NFIA: variants seen among roughly 807,000 people sequenced by gnomAD.
NFIA encodes nuclear factor 1 A-type.
NFIA carries 8 observed loss-of-function variants against 62.8 expected under a neutral mutation model. The observed-to-expected ratio is 0.13, with a 90% CI of 0.07 to 0.23. NFIA has a LOEUF of 0.23. NFIA is among the 10% of genes least tolerant of loss of function. The pLI, the probability that NFIA is intolerant of heterozygous loss-of-function variation, is 1.00. For synonymous variants in NFIA, 235 were observed against 238.1 expected, an observed-to-expected ratio of 0.99 and a Z score of 0.12; for missense variants, 410 against 642.1, an observed-to-expected ratio of 0.64 and a Z score of 3.91.
In NFIA at chr1:61,185,258, G is replaced by A. The variant is rs192029013; in HGVS notation, c.560-92262G>A. On this transcript the variant is annotated intron_variant, in intron 2 of 10. Coordinates refer to ENST00000403491, the MANE Select transcript of NFIA (RefSeq NM_001134673.4). The stretch of plus-strand genomic sequence containing the variant: ...TATGTATAATGAAGACGTTAAAGAA[G>A]ATAGGTAGTAGTCTTCTGAGCCCTA... Among the ~76,000 whole-genome samples, 467 of 152,244 alleles carry A rather than the reference G, an allele frequency of 3.1e-3. 5 individuals carry two copies. The South Asian group carries it at 0.032, about 11-fold the overall frequency.
intron 10 of NFIA, among the ~76,000 whole-genome samples, chr1:61,428,382 A>AT (rs34309622): frequency 0.054 from 7,334 of 135,922 alleles, 248 homozygotes; most frequent in African/African-American, 0.1. Flanking sequence ...CTGGAACTGA[A>AT]TTTTTTTTTT....
At chr1:61,396,846 T>G (rs548931412) in intron 7 of NFIA, among the ~76,000 whole-genome samples, 6 of 151,680 alleles carry the variant, frequency 4.0e-5, no homozygotes, top group Non-Finnish European at 8.8e-5. Context: ...CTAAAAAAAT[T>G]CAAAAATTAG....
chr1:61,400,870 A>G (rs143923478), intron 7 of NFIA, among the ~76,000 whole-genome samples: 2 of 152,238 alleles, frequency 1.3e-5, no homozygotes, highest in Non-Finnish European at 2.9e-5. Flanking sequence ...TAGGTACAGT[A>G]AAAACATCCA....
intron 2 of NFIA, among the ~76,000 whole-genome samples, chr1:61,135,628 A>G (rs1265065212): frequency 6.6e-6 from 1 of 152,140 alleles, no homozygotes; most frequent in Non-Finnish European, 1.5e-5. Context: ...GCTGGTCTCA[A>G]ACTACTGGGC....
intron 2 of NFIA, among the ~76,000 whole-genome samples, chr1:61,195,482 T>C (rs946524429): frequency 6.6e-5 from 10 of 152,204 alleles, no homozygotes; most frequent in Admixed American, 6.5e-4. Context: ...CTGACCTTTC[T>C]TGTGTACCCT....
intron 2 of NFIA, among the ~76,000 whole-genome samples, chr1:61,154,703 C>G (rs1029568087): frequency 6.6e-6 from 1 of 152,210 alleles, no homozygotes; most frequent in African/African-American, 2.4e-5. Context: ...CCACCTGCCT[C>G]ACCCTCCCCA....
intron 2 of NFIA, among the ~76,000 whole-genome samples, chr1:61,136,527 T>C (rs938933599): frequency 2.6e-5 from 4 of 152,206 alleles, no homozygotes; most frequent in Admixed American, 6.5e-5. Flanking sequence ...TGTGGAGCCT[T>C]TCTAACGCCT....
chr1:61,157,360 T>C (rs1247593065), intron 2 of NFIA, among the ~76,000 whole-genome samples: 2 of 152,034 alleles, frequency 1.3e-5, no homozygotes, highest in East Asian at 3.9e-4. Flanking sequence ...TTTTCAGAGG[T>C]GATGTTTACA....
intron 10 of NFIA, among the ~76,000 whole-genome samples, chr1:61,444,699 C>T (rs1403499873): frequency 6.6e-6 from 1 of 152,134 alleles, no homozygotes; most frequent in Non-Finnish European, 1.5e-5. Flanking sequence ...TAGAATAGCA[C>T]AAATTGGCAT....
chr1:61,254,717 T>G (rs1656266666), intron 2 of NFIA, among the ~76,000 whole-genome samples: 1 of 152,238 alleles, frequency 6.6e-6, no homozygotes, highest in African/African-American at 2.4e-5. Flanking sequence ...AACACCATTT[T>G]ATATTTTGGC....
At chr1:61,094,085 A>C (rs1010936244) in intron 2 of NFIA, among the ~76,000 whole-genome samples, 1 of 152,236 alleles carries the variant, frequency 6.6e-6, no homozygotes, top group Non-Finnish European at 1.5e-5. Flanking sequence ...ATTAGACTAG[A>C]AGAAAAAACA....
chr1:61,137,038 A>G (rs1647207661), intron 2 of NFIA, among the ~76,000 whole-genome samples: 1 of 152,188 alleles, frequency 6.6e-6, no homozygotes, highest in South Asian at 2.1e-4. Context: ...AAACTGTCCT[A>G]TAAATATGTG....
chr1:61,387,983 A>C (rs1001840642), intron 7 of NFIA, among the ~76,000 whole-genome samples: 11 of 152,232 alleles, frequency 7.2e-5, no homozygotes, highest in Admixed American at 2.0e-4. Context: ...TGTTGTTCTA[A>C]CCACTTCCCT....
intron 6 of NFIA, among the ~76,000 whole-genome samples, chr1:61,365,186 CAAAAG>C (rs923496618): frequency 4.6e-5 from 7 of 152,118 alleles, no homozygotes; most frequent in African/African-American, 1.7e-4. Flanking sequence ...GACCCTGTCT[CAAAAG>C]AAAAGAGAAA....
At chr1:61,165,921 T>G (rs1052807822) in intron 2 of NFIA, among the ~76,000 whole-genome samples, 11 of 152,202 alleles carry the variant, frequency 7.2e-5, no homozygotes, top group African/African-American at 2.7e-4. Context: ...TTAGTAATAC[T>G]ACGATAATTA....
chr1:61,235,363 T>C (rs986413689), intron 2 of NFIA, among the ~76,000 whole-genome samples: 28 of 151,854 alleles, frequency 1.8e-4, no homozygotes, highest in African/African-American at 6.8e-4. Flanking sequence ...CTCGGGAGGC[T>C]GAGGCAGGAG....
Position 61,359,204 on chromosome 1 carries a change from A to G in NFIA, c.876A>G (p.Pro292=). The change falls in exon 6 of 11, where the codon CCA becomes CCG. Residue 292 remains proline (P), a synonymous_variant. Coordinates refer to ENST00000403491, the MANE Select transcript of NFIA (RefSeq NM_001134673.4). ...AAATGGACAGTCCTGGTGAGGAGCCATTTTATACAGGCCAAGGGCGCTCCC... is the reference window on the plus strand; with the variant it reads ...AAATGGACAGTCCTGGTGAGGAGCCGTTTTATACAGGCCAAGGGCGCTCCC... ...EDEMDSPGEE[P]FYTGQGRSPG... 1 of 1,613,178 alleles carries G rather than the reference A, an allele frequency of 6.2e-7. No homozygotes were observed. The highest frequency in any genetic ancestry group is 8.5e-7 in the Non-Finnish European group (1 of 1,179,956).
intron 2 of NFIA, among the ~76,000 whole-genome samples, chr1:61,219,845 C>T (rs1034292264): frequency 6.6e-6 from 1 of 152,126 alleles, no homozygotes; most frequent in Non-Finnish European, 1.5e-5. Flanking sequence ...ACGCCTTAGT[C>T]CCAGCTACTC....
chr1:61,324,430 G>T (rs530133648), intron 3 of NFIA, among the ~76,000 whole-genome samples: 2 of 152,286 alleles, frequency 1.3e-5, no homozygotes, highest in Admixed American at 1.3e-4. Context: ...AATGACTGGG[G>T]TATTGCAGTT....
Sources: allele counts gnomAD v4.1 joint callset (sites outside exome capture counted in the v4.1 genomes callset), GRCh38; gene constraint gnomAD v4.1.1; transcripts MANE v1.5; gene names NCBI Gene and HGNC (gene_info 2026-07-23, HGNC 2026-07-21).